The following SEC22C variants were observed in gnomAD, a reference collection of about 807,000 sequenced individuals.
SEC22C encodes the protein vesicle-trafficking protein SEC22c.
Under a neutral mutation model 34.7 loss-of-function variants are expected in SEC22C, and 29 were observed. That is an observed-to-expected ratio of 0.84 (90% CI 0.62 to 1.14). The LOEUF (loss-of-function observed/expected upper bound fraction) is 1.14, where lower values mean the gene tolerates loss of function less well. SEC22C is among the 50% of genes most tolerant of loss of function. The probability of loss-of-function intolerance (pLI) is 0.00; values close to 1 mark genes in which losing one functional copy is unlikely to be tolerated. For missense variants in SEC22C, 337 were observed against 369.0 expected (o/e 0.91, Z 0.71); for synonymous variants, 117 against 132.8 (o/e 0.88, Z 0.82).
chr3:42,565,392 T>A (rs773208597), intron 2 of SEC22C, among the ~76,000 whole-genome samples: 1 of 152,128 alleles, frequency 6.6e-6, no homozygotes, highest in Non-Finnish European at 1.5e-5. Flanking sequence ...ATGGAAGAAA[T>A]CCTTCAGAAG....
intron 5 of SEC22C, 21 bp downstream of exon 5, chr3:42,557,557 T>TAAA: frequency 1.4e-5 from 14 of 1,004,950 alleles, no homozygotes; most frequent in Admixed American, 9.9e-5. Context: ...TAAACTGTTT[T>TAAA]AAAAAAAAAA....
intron 1 of SEC22C, chr3:42,591,684 T>C: frequency 1.0e-6 from 1 of 971,896 alleles, no homozygotes; most frequent in Non-Finnish European, 1.7e-6. Context: ...ACTAAGAGTC[T>C]TGGGTGATTG....
At chr3:42,578,224 A>G (rs1704089806) in intron 1 of SEC22C, among the ~76,000 whole-genome samples, 1 of 152,244 alleles carries the variant, frequency 6.6e-6, no homozygotes, top group South Asian at 2.1e-4. Context: ...AATACTACTC[A>G]GCAAAGAAGA....
Position 42,568,941 on chromosome 3 carries a change from G to A in SEC22C, c.106C>T (p.Arg36Trp), listed in dbSNP as rs754893166. 18 of 1,614,118 alleles carry A rather than the reference G, an allele frequency of 1.1e-5. No homozygotes were observed. In the Admixed American group the frequency reaches 1.2e-4, roughly 10 times the overall value. The change falls in exon 2 of 7, where the codon CGG (arginine) becomes TGG (tryptophan). Residue 36 changes from arginine (R) to tryptophan (W), a missense_variant. Physicochemically the swap from Arg to Trp is moderately radical, Grantham distance 101. Transcript: ENST00000264454. ...AGTCGCAAGGCTAAACTCTTGAGCC[G>A]TCTCCTCCATTCCAAAAAATCTTGG... ...HTQDFLEWRRRLKSLALRLAQ... is the reference protein window; with the variant it reads ...HTQDFLEWRRWLKSLALRLAQ...
chr3:42,593,639 C>G (rs1486731385), intron 1 of SEC22C, among the ~76,000 whole-genome samples: 2 of 152,092 alleles, frequency 1.3e-5, no homozygotes, highest in African/African-American at 4.8e-5. Context: ...CATAGTAAAA[C>G]AGATACCAGC....
At chr3:42,600,904 C>A (rs1282624319) in intron 1 of SEC22C, 4 of 857,916 alleles carry the variant, frequency 4.7e-6, no homozygotes, top group Admixed American at 4.0e-5. Flanking sequence ...GCGCGGACTT[C>A]GTCTCAGCCC....
At chr3:42,599,737 T>C (rs929911717) in intron 1 of SEC22C, among the ~76,000 whole-genome samples, 1 of 150,510 alleles carries the variant, frequency 6.6e-6, no homozygotes, top group African/African-American at 2.4e-5. Flanking sequence ...ATGGAACGAC[T>C]GTATATCCCA....
upstream of SEC22C, among the ~76,000 whole-genome samples, chr3:42,586,511 C>T (rs1704613734): frequency 2.6e-5 from 4 of 152,040 alleles, no homozygotes; most frequent in South Asian, 8.3e-4. Flanking sequence ...GTGTGAGCCA[C>T]TGCACCCACC....
At chr3:42,592,496 G>A (rs1340169745) in intron 1 of SEC22C, among the ~76,000 whole-genome samples, 1 of 152,106 alleles carries the variant, frequency 6.6e-6, no homozygotes, top group Non-Finnish European at 1.5e-5. Context: ...CACCACGGCC[G>A]ACCTTATGCC....
chr3:42,551,857 G>A lies in SEC22C; in HGVS notation c.*1391C>T, dbSNP rs1028982329. The A allele has an allele frequency of 1.9e-5, 19 of 982,358 alleles. No homozygotes were observed. The highest frequency in any genetic ancestry group is 2.1e-5 in the Non-Finnish European group (17 of 827,214). The allele number at this position is 982,358 out of a possible 1,614,324, so 60.9% of individuals were successfully genotyped here. A position where few individuals can be genotyped will look rare whatever the true frequency, so the allele number is the denominator to read the frequency against. Reference sequence around the variant, plus strand: ...TACATTCCCTATCCACTCAACTCTTGTAATGGTTTTCCACTTTTAAAAACT... The same window carrying A: ...TACATTCCCTATCCACTCAACTCTTATAATGGTTTTCCACTTTTAAAAACT... On this transcript the variant is annotated 3_prime_UTR_variant, in exon 7 of 7. Transcript: ENST00000264454.
chr3:42,566,678 C>CAAAA (rs71072721), intron 2 of SEC22C: 24 of 129,888 alleles, frequency 1.8e-4, no homozygotes, highest in South Asian at 5.8e-4. Flanking sequence ...GACTCCGTCT[C>CAAAA]AAAAAAAAAA....
At chr3:42,590,749 T>C (rs984394406) in intron 1 of SEC22C, 16 of 835,072 alleles carry the variant, frequency 1.9e-5, no homozygotes, top group African/African-American at 1.5e-4. Flanking sequence ...AGGAAAGCGC[T>C]GAGTATAGCT....
intron 1 of SEC22C, among the ~76,000 whole-genome samples, chr3:42,574,808 T>G (rs1703866208): frequency 6.6e-6 from 1 of 152,052 alleles, no homozygotes; most frequent in Non-Finnish European, 1.5e-5. Context: ...AAAAACACTA[T>G]AGATTATAAA....
chr3:42,556,867 G>T (rs1702560974), intron 5 of SEC22C, among the ~76,000 whole-genome samples: 2 of 152,014 alleles, frequency 1.3e-5, no homozygotes, highest in Admixed American at 6.6e-5. Context: ...GGGATTACAG[G>T]CATGCGCCAC....
upstream of SEC22C, chr3:42,582,202 T>G (rs761263012): frequency 6.6e-6 from 1 of 152,176 alleles, no homozygotes; most frequent in Non-Finnish European, 1.5e-5. Context: ...CCGCGGCGGT[T>G]TGAGATCCAA....
upstream of SEC22C, among the ~76,000 whole-genome samples, chr3:42,584,167 G>T (rs1264524052): frequency 6.6e-6 from 1 of 152,038 alleles, no homozygotes; most frequent in African/African-American, 2.4e-5. Context: ...TATCACATTG[G>T]TTCTCTCTCT....
At chr3:42,598,752 G>A (rs969919473) in intron 1 of SEC22C, among the ~76,000 whole-genome samples, 1 of 152,012 alleles carries the variant, frequency 6.6e-6, no homozygotes, top group Non-Finnish European at 1.5e-5. Flanking sequence ...GAAATGGGGA[G>A]TTACTGTTTA....
intron 4 of SEC22C, among the ~76,000 whole-genome samples, chr3:42,558,200 A>G (rs1386223512): frequency 1.3e-5 from 2 of 152,030 alleles, no homozygotes; most frequent in African/African-American, 4.8e-5. Flanking sequence ...AAATCCTAAA[A>G]CAATTTTTGG....
At chr3:42,577,668 G>A (rs1281173866) in intron 1 of SEC22C, among the ~76,000 whole-genome samples, 7 of 152,136 alleles carry the variant, frequency 4.6e-5, no homozygotes, top group Non-Finnish European at 1.0e-4. Flanking sequence ...CTGTAAAATG[G>A]TATACTCTAG....
Sources: gnomAD v4.1 joint callset for allele counts (sites outside exome capture counted in the v4.1 genomes callset) on GRCh38, gnomAD v4.1.1 for gene constraint, MANE v1.5 for transcripts, NCBI Gene and HGNC (gene_info 2026-07-23, HGNC 2026-07-21) for gene names.